The following MKRN2OS variants were observed in gnomAD, a reference collection of about 807,000 sequenced individuals.
MKRN2OS encodes the protein MKRN2 opposite strand, also known as MKRN2 opposite strand protein.
A neutral mutation model predicts 18.2 loss-of-function variants in MKRN2OS; 17 were observed. That is an observed-to-expected ratio of 0.93 (90% confidence interval 0.64 to 1.40). The LOEUF (loss-of-function observed/expected upper bound fraction) is 1.40, where lower values mean the gene tolerates loss of function less well. Among genes scored for constraint, MKRN2OS ranks in the 40% most tolerant of loss-of-function variants. MKRN2OS has a pLI of 0.00. For missense variants in MKRN2OS, 337 were observed against 283.0 expected, an observed-to-expected ratio of 1.19 and a Z score of -1.37; for synonymous variants, 121 against 108.5, an observed-to-expected ratio of 1.12 and a Z score of -0.72.
chr3:12,546,101 T>G (rs2125292052), upstream of MKRN2OS, among the ~76,000 whole-genome samples: 1 of 152,316 alleles, frequency 6.6e-6, no homozygotes, highest in Non-Finnish European at 1.5e-5. Flanking sequence ...CTAGAACTGT[T>G]ATTTAATCAT....
chr3:12,540,192 C>G lies in MKRN2OS; in HGVS notation c.*1G>C. Reference sequence around the variant, plus strand: ...GCGTCCAGGCTGCGCTTACATAGCTCTCAGCACAAACCGCCGCCCTCAGGG... The same window carrying G: ...GCGTCCAGGCTGCGCTTACATAGCTGTCAGCACAAACCGCCGCCCTCAGGG... On this transcript the variant is annotated 3_prime_UTR_variant, in exon 4 of 4. Transcript: ENST00000564146. 1 of 1,536,132 alleles carries G rather than the reference C, an allele frequency of 6.5e-7. No homozygotes were observed. The highest frequency in any genetic ancestry group is 1.2e-5 in the South Asian group (1 of 84,058).
At chr3:12,557,354 G>C (rs954549385) in intron 1 of MKRN2OS, among the ~76,000 whole-genome samples, 3 of 152,258 alleles carry the variant, frequency 2.0e-5, no homozygotes, top group Non-Finnish European at 2.9e-5. Flanking sequence ...CGGGGATCCG[G>C]GGGATGCGTG....
chr3:12,541,814 A>G, intron 3 of MKRN2OS, 46 bp downstream of exon 3: 1 of 1,511,866 alleles, frequency 6.6e-7, no homozygotes, highest in Non-Finnish European at 8.8e-7. Flanking sequence ...TCCCACTTGC[A>G]TAGCATGTGA....
At chr3:12,549,696 T>C (rs1464773906), upstream of MKRN2OS, among the ~76,000 whole-genome samples, 1 of 152,134 alleles carries the variant, frequency 6.6e-6, no homozygotes, top group East Asian at 1.9e-4. Flanking sequence ...TACAGATGCA[T>C]AACACCACAG....
At chr3:12,549,676 C>T (rs1189327644), upstream of MKRN2OS, among the ~76,000 whole-genome samples, 3 of 152,144 alleles carry the variant, frequency 2.0e-5, no homozygotes, top group Non-Finnish European at 4.4e-5. Flanking sequence ...GCCTCCCAAT[C>T]AGCTGGAACT....
At chr3:12,542,145 T>A (rs934571840) in intron 2 of MKRN2OS, 123 bp from the exon 3 acceptor site, 1 of 967,650 alleles carries the variant, frequency 1.0e-6, no homozygotes, top group East Asian at 2.7e-5. Flanking sequence ...AGGGTGGAGG[T>A]TCTAGAATCT....
At chr3:12,543,122 A>G (rs2057838194) in intron 2 of MKRN2OS, 58 bp downstream of exon 2, 9 of 1,394,582 alleles carry the variant, frequency 6.5e-6, no homozygotes, top group Admixed American at 4.1e-5. Flanking sequence ...ATCTCCACAA[A>G]TACTGCTTTC....
At chr3:12,559,892 A>C (rs1438066043) in intron 1 of MKRN2OS, among the ~76,000 whole-genome samples, 1 of 152,186 alleles carries the variant, frequency 6.6e-6, no homozygotes, top group Admixed American at 6.5e-5. Context: ...CACTATTAGA[A>C]GACACAGGAT....
At chr3:12,540,828 C>T (rs558940406) in intron 3 of MKRN2OS, among the ~76,000 whole-genome samples, 7 of 146,984 alleles carry the variant, frequency 4.8e-5, no homozygotes, top group Non-Finnish European at 7.4e-5. Flanking sequence ...AAGCCAAGAT[C>T]GCACCACTGT....
At chr3:12,545,554 C>G, upstream of MKRN2OS, 1 of 1,006,008 alleles carries the variant, frequency 9.9e-7, no homozygotes, top group Non-Finnish European at 1.4e-6. Flanking sequence ...CCCCAAGGAA[C>G]CTGATCAATG....
chr3:12,541,108 ATAAT>A (rs2057802228), intron 3 of MKRN2OS, among the ~76,000 whole-genome samples: 2 of 152,062 alleles, frequency 1.3e-5, no homozygotes, highest in South Asian at 4.2e-4. Context: ...AAACCTCCAA[ATAAT>A]TTAAATCCAC....
At chr3:12,546,040 C>G (rs1034807123), upstream of MKRN2OS, among the ~76,000 whole-genome samples, 3 of 152,114 alleles carry the variant, frequency 2.0e-5, no homozygotes, top group South Asian at 6.2e-4. Flanking sequence ...AAGAGGCCTT[C>G]CTCAGCCTCC....
rs1470118380 is a variant in MKRN2OS at position 12,541,879 on chromosome 3, C to T, written c.412G>A (p.Gly138Arg). The T allele has an allele frequency of 5.9e-6, 9 of 1,535,812 alleles. No individual in the cohort carries two copies. Among genetic ancestry groups the T allele is most frequent in the Non-Finnish European group, 7.0e-6 (8 of 1,146,836 alleles). ...DKYLEDFSTS[G>R]AWLPHRYEDN... is the part of the protein sequence containing the mutation. ...GTGTACCTGTGAGGCAGCCAGGCCC[C>T]CGAGGTGGAGAAGTCTTCCAGGTAC... The change falls in exon 3 of 4, where the codon GGG (glycine) becomes AGG (arginine). Residue 138 changes from glycine (G) to arginine (R), a missense_variant. Transcript: ENST00000564146.
chr3:12,539,974 G>A lies in MKRN2OS; in HGVS notation c.*219C>T, dbSNP rs565558366. The A allele has an allele frequency of 1.9e-4, 106 of 554,628 alleles. No individual in the cohort carries two copies. The highest frequency in any genetic ancestry group is 1.8e-3 in the African/African-American group (93 of 52,808). The allele number at this position is 554,628 out of a possible 1,614,324, so 34.4% of individuals were successfully genotyped here. ...CTAATTTTATATTTTTAGTAAGGAC[G>A]GGGTTTCTCCATGTTGGTCAGGCTG... On this transcript the variant is annotated 3_prime_UTR_variant, in exon 4 of 4. Transcript: ENST00000564146.
chr3:12,557,092 C>CGAGGCGGCAGCGGCTGCGA (rs2057979677), intron 1 of MKRN2OS: 3 of 1,482,758 alleles, frequency 2.0e-6, no homozygotes, highest in Non-Finnish European at 2.7e-6. Context: ...GGGCCAAGGC[C>CGAGGCGGCAGCGGCTGCGA]GAGGCGGCAG....
rs944151334 is a variant in MKRN2OS at position 12,559,461 on chromosome 3, G to A, written n.264+1296C>T. ...GTTTTTTTGTTTTTTTTAATCTCAG[G>A]TCACAAAGTTTTAGGTTTGTTTTCC... On this transcript the variant is annotated intron_variant and non_coding_transcript_variant, in intron 1 of 1. Transcript: ENST00000447550. Among the ~76,000 whole-genome samples, 7 of 152,114 alleles carry A rather than the reference G, an allele frequency of 4.6e-5. No individual in the cohort carries two copies. In the South Asian group the frequency reaches 6.2e-4, roughly 14 times the overall value.
upstream of MKRN2OS, among the ~76,000 whole-genome samples, chr3:12,548,512 G>T (rs1290061359): frequency 6.9e-6 from 1 of 144,048 alleles, no homozygotes; most frequent in Admixed American, 7.2e-5. Context: ...GACATCTGTA[G>T]TCCCACCTAC....
chr3:12,541,766 T>G (rs952136719), intron 3 of MKRN2OS, 94 bp downstream of exon 3: 1 of 1,285,394 alleles, frequency 7.8e-7, no homozygotes, highest in African/African-American at 1.5e-5. Flanking sequence ...TGAAGCTAAG[T>G]GCTGCTGAGT....
At chr3:12,543,453 A>G (rs765596010) in intron 1 of MKRN2OS, among the ~76,000 whole-genome samples, 1 of 151,868 alleles carries the variant, frequency 6.6e-6, no homozygotes, top group Non-Finnish European at 1.5e-5. Context: ...CAGGTGTGTT[A>G]GTGTGCATCT....
Sources: allele counts gnomAD v4.1 joint callset (sites outside exome capture counted in the v4.1 genomes callset), GRCh38; gene constraint gnomAD v4.1.1; transcripts MANE v1.5; gene names NCBI Gene and HGNC (gene_info 2026-07-23, HGNC 2026-07-21).